The following TTF1 variants were observed in gnomAD, a reference collection of about 807,000 sequenced individuals.
TTF1 encodes the protein transcription termination factor, RNA polymerase I.
In TTF1, 64 loss-of-function variants were observed where a neutral mutation model predicts 80.2. The observed-to-expected ratio is 0.80, with a 90% CI of 0.65 to 0.98. The LOEUF is 0.98. TTF1 is among the 50% of genes least tolerant of loss of function. TTF1 has a pLI of 0.00. For missense variants in TTF1, 1,023 were observed against 1,086.2 expected (o/e 0.94, Z 0.82); for synonymous variants, 372 against 382.7 (o/e 0.97, Z 0.33).
At chr9:132,376,229 G>A (rs17149015) in intron 10 of TTF1, 61 bp from the exon 11 acceptor site, 123,675 of 1,532,192 alleles carry the variant, frequency 0.081, 6,725 homozygotes, top group East Asian at 0.3. Context: ...TATCAAGGTC[G>A]AGGCATACAG....
rs145997559 is a variant in TTF1, at chr9:132,398,732, C to CT, written c.1592-407dup. 3.2e-4 allele frequency among the ~76,000 whole-genome samples: 49 copies of CT among 152,196 alleles called. 1 individual carries two copies. In the East Asian group the frequency reaches 9.5e-3, roughly 30 times the overall value. ...GCCTCAGCCTCCCGAGTAGCTGGGACTACAGGTGTGTGTGACACCTGGCTA... is the reference window on the plus strand; with the variant it reads ...GCCTCAGCCTCCCGAGTAGCTGGGACTTACAGGTGTGTGTGACACCTGGCTA... On this transcript the variant is annotated intron_variant, in intron 3 of 10. Transcript: ENST00000334270.
chr9:132,402,035 T>G lies in TTF1; in HGVS notation c.787A>C (p.Thr263Pro), dbSNP rs374015721. The stretch of plus-strand genomic sequence containing the variant: ...TGAGTAGGTCCTAGTAGTTGTGGAG[T>G]TTCATCATCCAAGCCCACAGTAGGC... ...SQPTVGLDDE[T>P]PQLLGPTHKK... The change falls in exon 2 of 11, where the codon ACT becomes CCT. Residue 263 changes from threonine (T) to proline (P), a missense_variant. Transcript: ENST00000334270. 1.2e-6 allele frequency: 2 copies of G among 1,613,874 alleles called. No individual in the cohort carries two copies. The highest frequency in any genetic ancestry group is 1.3e-5 in the African/African-American group (1 of 74,838).
At chr9:132,387,495 G>A (rs1294731501) in intron 8 of TTF1, among the ~76,000 whole-genome samples, 1 of 114,946 alleles carries the variant, frequency 8.7e-6, no homozygotes, top group Non-Finnish European at 2.3e-5. Context: ...CCCTAGGAAA[G>A]AGGATCAGGA....
rs1424101291 is a variant in TTF1, at chr9:132,376,108, A to G, written c.2525T>C (p.Met842Thr). The G allele has an allele frequency of 6.2e-7, 1 of 1,613,870 alleles. No individual in the cohort carries two copies. Among genetic ancestry groups the G allele is most frequent in the Non-Finnish European group, 8.5e-7 (1 of 1,180,016 alleles). The change falls in exon 11 of 11, where the codon ATG becomes ACG. Residue 842 changes from methionine to threonine, a missense_variant. Coordinates refer to ENST00000334270, the MANE Select transcript of TTF1 (RefSeq NM_007344.4). ...LPLLKEKLEK[M>T]MEKKGTKIQT... ...GATTTTAGTGCCTTTTTTCTCCATC[A>G]TTTTTTCTAACTTTTCCTTCAGCAA...
intron 9 of TTF1, among the ~76,000 whole-genome samples, chr9:132,382,682 A>C (rs1277776768): frequency 6.6e-6 from 1 of 151,710 alleles, no homozygotes; most frequent in Non-Finnish European, 1.5e-5. Flanking sequence ...CTGTAATCCC[A>C]GCACTTTGAG....
chr9:132,395,246 T>C (rs1280364946), intron 5 of TTF1, among the ~76,000 whole-genome samples: 1 of 152,062 alleles, frequency 6.6e-6, no homozygotes, highest in Admixed American at 6.6e-5. Flanking sequence ...ATTAAAATAA[T>C]AATAATTCTT....
Position 132,388,176 on chromosome 9 carries a change from T to C in TTF1, c.2275A>G (p.Met759Val), listed in dbSNP as rs1849503429. 1.2e-6 allele frequency: 2 copies of C among 1,612,556 alleles called. No individual in the cohort carries two copies. Among genetic ancestry groups the C allele is most frequent in the South Asian group, 2.2e-5 (2 of 91,030 alleles). Residue 759 changes from methionine to valine, a missense_variant, in exon 8 of 11, where the codon ATG becomes GTG. Met to Val is a conservative substitution (Grantham distance 21, BLOSUM62 1). Transcript: ENST00000334270. Reference protein sequence around the residue: ...MTNGRRIYYGMNALRAKVSLI... With the variant: ...MTNGRRIYYGVNALRAKVSLI... Reference sequence around the variant, plus strand: ...CTGACCTTGGCCCGCAGGGCATTCATGCCATAGTAGATACGCCGACCATTA... The same window carrying C: ...CTGACCTTGGCCCGCAGGGCATTCACGCCATAGTAGATACGCCGACCATTA...
chr9:132,396,420 A>G lies in TTF1; in HGVS notation c.1856+13T>C. The G allele has an allele frequency of 1.9e-6, 3 of 1,613,668 alleles. No homozygotes were observed. The highest frequency in any genetic ancestry group is 2.5e-6 in the Non-Finnish European group (3 of 1,179,602). ...AGAAATGTTGTCTCAAGCTGCTAAG[A>G]CTTTTTTCTTACCTGCCTTTGTAAT... On this transcript the variant is annotated intron_variant, in intron 5 of 10. Coordinates refer to ENST00000334270, the MANE Select transcript of TTF1 (RefSeq NM_007344.4).
Position 132,406,512 on chromosome 9 carries a change from G to T in TTF1, c.-8+278C>A, listed in dbSNP as rs548142005. ...AGCTACTCGGGAGGCTGAGGCAGGA[G>T]AATCGCTTGAACCCAGGAAGCGGAG... On this transcript the variant is annotated intron_variant, in intron 1 of 10. Transcript: ENST00000334270. Among the ~76,000 whole-genome samples the T allele has an allele frequency of 4.0e-5, 6 of 151,568 alleles. 1 individual carries two copies. Among genetic ancestry groups the T allele is most frequent in the African/African-American group, 1.5e-4 (6 of 41,328 alleles).
At chr9:132,390,871 T>C (rs927655982) in intron 6 of TTF1, 40 bp from the exon 7 acceptor site, 1 of 1,557,394 alleles carries the variant, frequency 6.4e-7, no homozygotes, top group Non-Finnish European at 8.7e-7. Flanking sequence ...AGCTAGTCTA[T>C]TTGCTTTCAA....
At chr9:132,405,763 C>A (rs991652771) in intron 1 of TTF1, among the ~76,000 whole-genome samples, 1 of 152,166 alleles carries the variant, frequency 6.6e-6, no homozygotes, top group Non-Finnish European at 1.5e-5. Context: ...CACCTCTCTA[C>A]CTCTCACTTC....
intron 9 of TTF1, among the ~76,000 whole-genome samples, chr9:132,385,863 A>G (rs1023390613): frequency 6.6e-6 from 1 of 152,208 alleles, no homozygotes; most frequent in Non-Finnish European, 1.5e-5. Context: ...TTAATTCTAT[A>G]CTATACAAAA....
In TTF1 at chr9:132,397,751, C is replaced by T. The variant is rs1028319584; in HGVS notation, c.1777+390G>A. On this transcript the variant is annotated intron_variant, in intron 4 of 10. Coordinates refer to ENST00000334270, the MANE Select transcript of TTF1 (RefSeq NM_007344.4). The stretch of plus-strand genomic sequence containing the variant: ...CCTGTAATCCCAGCACTTTGGGAGG[C>T]CGAGGCAGGCGGATCACGAGGTCAG... Among the ~76,000 whole-genome samples the T allele has an allele frequency of 5.3e-5, 8 of 152,308 alleles. No individual in the cohort carries two copies. In the East Asian group the frequency reaches 1.5e-3, roughly 29 times the overall value.
intron 10 of TTF1, among the ~76,000 whole-genome samples, chr9:132,377,389 TGTG>T (rs1204874500): frequency 4.6e-5 from 6 of 130,390 alleles, no homozygotes; most frequent in Non-Finnish European, 7.9e-5. Context: ...TGTGAGTGCA[TGTG>T]GTGTGAGTGC....
chr9:132,398,208 G>C lies in TTF1; in HGVS notation c.1710C>G (p.Asp570Glu), dbSNP rs932912737. The change falls in exon 4 of 11, where the codon GAC becomes GAG. Residue 570 changes from aspartate (D) to glutamate (E), a missense_variant. Coordinates refer to ENST00000334270, the MANE Select transcript of TTF1 (RefSeq NM_007344.4). The stretch of plus-strand genomic sequence containing the variant: ...TCACAGATTTTTCCTCAGGATATCT[G>C]TCCGTGTACAGCAGCTTGTCTGCAC... The part of the protein sequence containing the change: ...IESADKLLYT[D>E]RYPEEKSVIT... 1.9e-6 allele frequency: 3 copies of C among 1,599,196 alleles called. No homozygotes were observed. In the Admixed American group the frequency reaches 5.5e-5, roughly 29 times the overall value.
chr9:132,396,619 T>C (rs1250751216), intron 4 of TTF1, 108 bp from the exon 5 acceptor site: 9 of 854,450 alleles, frequency 1.1e-5, no homozygotes, highest in Middle Eastern at 2.2e-4. Context: ...CTAAGCCCCG[T>C]GTTAAGGCTG....
At chr9:132,377,662 A>C (rs1410940699) in intron 10 of TTF1, among the ~76,000 whole-genome samples, 1 of 83,614 alleles carries the variant, frequency 1.2e-5, no homozygotes, top group African/African-American at 4.9e-5. Flanking sequence ...GGTGTGTGTG[A>C]GTGCATGTGG....
At chr9:132,405,649 G>A (rs766270445) in intron 1 of TTF1, among the ~76,000 whole-genome samples, 3 of 152,116 alleles carry the variant, frequency 2.0e-5, no homozygotes, top group Non-Finnish European at 4.4e-5. Flanking sequence ...ACTTTTTAGG[G>A]TTCCCCTGTT....
intron 1 of TTF1, among the ~76,000 whole-genome samples, chr9:132,404,109 C>G (rs900954857): frequency 1.3e-5 from 2 of 152,168 alleles, no homozygotes; most frequent in African/African-American, 4.8e-5. Flanking sequence ...GGCTAAATGA[C>G]ACATTTACGT....
Sources: gnomAD v4.1 joint callset for allele counts (sites outside exome capture counted in the v4.1 genomes callset) on GRCh38, gnomAD v4.1.1 for gene constraint, MANE v1.5 for transcripts, NCBI Gene and HGNC (gene_info 2026-07-23, HGNC 2026-07-21) for gene names.